Variants in PTPRN2 observed in about 807,000 individuals in gnomAD.
The protein encoded by PTPRN2 is receptor-type tyrosine-protein phosphatase N2.
Under a neutral mutation model 118.8 loss-of-function variants are expected in PTPRN2, and 74 were observed. The ratio of observed to expected loss-of-function variants is 0.62; its 90% CI spans 0.52 to 0.76. PTPRN2 has a LOEUF of 0.76. Among genes scored for constraint, PTPRN2 ranks in the 30% least tolerant of loss-of-function variants. PTPRN2 has a pLI of 0.00. For synonymous variants in PTPRN2, 641 were observed against 608.0 expected (o/e 1.05, Z -0.80); for missense variants, 1,481 against 1,394.4 (o/e 1.06, Z -0.99).
At chr7:157,762,737 A>C (rs540527539) in intron 12 of PTPRN2, among the ~76,000 whole-genome samples, 4 of 152,008 alleles carry the variant, frequency 2.6e-5, no homozygotes, top group Non-Finnish European at 5.9e-5. Context: ...TAAAACTTAA[A>C]GTATAATAAT....
At chr7:158,095,809 T>A (rs1040496497) in intron 10 of PTPRN2, among the ~76,000 whole-genome samples, 13 of 152,122 alleles carry the variant, frequency 8.5e-5, no homozygotes, top group African/African-American at 3.1e-4. Flanking sequence ...AAACTCCTGG[T>A]CTCCAGTGAT....
chr7:158,527,213 TC>T (rs58908710), intron 1 of PTPRN2, among the ~76,000 whole-genome samples: 5,584 of 148,762 alleles, frequency 0.038, 365 homozygotes, highest in African/African-American at 0.13. Context: ...GGCCCTCACC[TC>T]CCCCCACCCC....
At chr7:158,138,035 A>G (rs1818995901) in intron 7 of PTPRN2, among the ~76,000 whole-genome samples, 1 of 152,172 alleles carries the variant, frequency 6.6e-6, no homozygotes, top group Admixed American at 6.5e-5. Context: ...TGTTTTCCTG[A>G]CTCAGCCTCA....
At chr7:157,901,096 TG>T in intron 11 of PTPRN2, among the ~76,000 whole-genome samples, 1 of 152,134 alleles carries the variant, frequency 6.6e-6, no homozygotes, top group Non-Finnish European at 1.5e-5. Flanking sequence ...AGAGCTCACA[TG>T]GGGAGAGAGG....
At chr7:158,557,268 C>T (rs1460148763) in intron 1 of PTPRN2, among the ~76,000 whole-genome samples, 4 of 142,552 alleles carry the variant, frequency 2.8e-5, no homozygotes, top group South Asian at 2.3e-4. Context: ...GTGGCTCCCG[C>T]GCAGGTCAGG....
At chr7:158,250,047 A>G (rs986654134) in intron 3 of PTPRN2, among the ~76,000 whole-genome samples, 1 of 152,214 alleles carries the variant, frequency 6.6e-6, no homozygotes, top group Non-Finnish European at 1.5e-5. Context: ...TGACACTCAG[A>G]TGCATTTATG....
rs111833791 is a variant in PTPRN2, at chr7:158,252,265, G to A, written c.278-46992C>T. ...CTCTGCGGCGAGAATCAGAGCAGTCGCAGAAGCTCCTGCCACACCACTCCC... is the reference window on the plus strand; with the variant it reads ...CTCTGCGGCGAGAATCAGAGCAGTCACAGAAGCTCCTGCCACACCACTCCC... On this transcript the variant is annotated intron_variant, in intron 3 of 22. Transcript: ENST00000389418. Among the ~76,000 whole-genome samples the A allele has an allele frequency of 4.0e-3, 604 of 152,264 alleles. 5 individuals carry two copies. The highest frequency in any genetic ancestry group is 0.014 in the African/African-American group (576 of 41,544).
At chr7:158,104,602 AACAACCACCCATGATC>A (rs1815511815) in intron 10 of PTPRN2, among the ~76,000 whole-genome samples, 1 of 152,134 alleles carries the variant, frequency 6.6e-6, no homozygotes, top group South Asian at 2.1e-4. Context: ...AGGAAGAGCC[AACAACCACCCATGATC>A]ACAACCATCC....
chr7:157,565,712 A>G (rs926834744), intron 21 of PTPRN2, among the ~76,000 whole-genome samples: 2 of 152,198 alleles, frequency 1.3e-5, no homozygotes, highest in African/African-American at 4.8e-5. Context: ...ACCCTCAGTA[A>G]GTGAAGTCAC....
At chr7:158,341,473 CCA>C (rs1168694273) in intron 2 of PTPRN2, among the ~76,000 whole-genome samples, 1 of 146,218 alleles carries the variant, frequency 6.8e-6, no homozygotes, top group African/African-American at 2.6e-5. Context: ...TCATTCACAC[CCA>C]CACTCTCACC....
intron 15 of PTPRN2, among the ~76,000 whole-genome samples, chr7:157,613,341 G>C (rs1200596887): frequency 6.6e-6 from 1 of 152,224 alleles, no homozygotes; most frequent in Non-Finnish European, 1.5e-5. Context: ...CAACAGTTCC[G>C]GTCTCTTCCG....
At chr7:158,582,677 G>A (rs778615699) in intron 1 of PTPRN2, among the ~76,000 whole-genome samples, 1 of 151,358 alleles carries the variant, frequency 6.6e-6, no homozygotes, top group Non-Finnish European at 1.5e-5. Context: ...TGTGCCTGTA[G>A]TCCCAGCTAT....
chr7:157,898,801 C>G, intron 11 of PTPRN2, 64 bp from the exon 12 acceptor site: 2 of 1,404,202 alleles, frequency 1.4e-6, no homozygotes, highest in Non-Finnish European at 2.0e-6. Flanking sequence ...CCGGGCACCT[C>G]TGAGTATTTT....
In PTPRN2 at chr7:157,953,732, G is replaced by A. The variant is rs539732251; in HGVS notation, c.1724-54995C>T. 1.4e-3 allele frequency among the ~76,000 whole-genome samples: 216 copies of A among 152,250 alleles called. 9 individuals are homozygous for A. In the South Asian group the frequency reaches 0.043, roughly 31 times the overall value. On this transcript the variant is annotated intron_variant, in intron 11 of 22. Coordinates refer to ENST00000389418, the MANE Select transcript of PTPRN2 (RefSeq NM_002847.5). This position sits in a 1 kb window ranked among gnomAD's most constrained non-coding sequence, Gnocchi z 4.6. ...GGGCCAAGTCTGAGGACTCAGACCCGGGGCAGCTGGTGGAAGCTGGGGTTA... is the reference window on the plus strand; with the variant it reads ...GGGCCAAGTCTGAGGACTCAGACCCAGGGCAGCTGGTGGAAGCTGGGGTTA...
chr7:158,513,029 T>C (rs1422772956), intron 1 of PTPRN2, among the ~76,000 whole-genome samples: 2 of 152,204 alleles, frequency 1.3e-5, no homozygotes, highest in Non-Finnish European at 2.9e-5. Flanking sequence ...GCATGACGCG[T>C]CACTCACGAG....
In PTPRN2 at chr7:157,681,240, C is replaced by G. The variant is rs192365155; in HGVS notation, c.2001+1485G>C. ...TGCCTGTATGATCTTCCGTCTCTCA[C>G]GCATGGAACAGAACTGGTGTGATAA... On this transcript the variant is annotated intron_variant, in intron 13 of 22. Coordinates refer to ENST00000389418, the MANE Select transcript of PTPRN2 (RefSeq NM_002847.5). Among the ~76,000 whole-genome samples, 71 of 152,290 alleles carry G rather than the reference C, an allele frequency of 4.7e-4. No homozygotes were observed. In the East Asian group the frequency reaches 6.2e-3, roughly 13 times the overall value.
At chr7:158,329,032 G>A (rs1022156257) in intron 2 of PTPRN2, among the ~76,000 whole-genome samples, 4 of 152,260 alleles carry the variant, frequency 2.6e-5, no homozygotes, top group African/African-American at 4.8e-5. Context: ...GTCACTATGA[G>A]TGGGGCCTCC....
At chr7:157,567,617 C>G (rs1040832972) in intron 21 of PTPRN2, among the ~76,000 whole-genome samples, 3 of 151,780 alleles carry the variant, frequency 2.0e-5, no homozygotes, top group African/African-American at 7.3e-5. Flanking sequence ...TGTATAGAAA[C>G]TTGTTTCTAT....
chr7:158,172,778 G>T (rs979164021), intron 5 of PTPRN2, among the ~76,000 whole-genome samples: 1 of 133,036 alleles, frequency 7.5e-6, no homozygotes, highest in African/African-American at 2.9e-5. Context: ...ATTCACAGCA[G>T]CATCCCACCA....
Sources: gnomAD v4.1 joint callset for allele counts (sites outside exome capture counted in the v4.1 genomes callset) on GRCh38, gnomAD v4.1.1 for gene constraint, Gnocchi (gnomAD v3.1) non-coding constraint, MANE v1.5 for transcripts, NCBI Gene and HGNC (gene_info 2026-07-23, HGNC 2026-07-21) for gene names.